ZFHX3: variants seen among roughly 807,000 people sequenced by gnomAD.
The protein encoded by ZFHX3 is zinc finger homeobox protein 3.
Under a neutral mutation model 279.1 loss-of-function variants are expected in ZFHX3, and 42 were observed. That is an observed-to-expected ratio of 0.15 (90% CI 0.12 to 0.19). The LOEUF (loss-of-function observed/expected upper bound fraction) is 0.19, where lower values mean the gene tolerates loss of function less well. ZFHX3 is among the 10% of genes least tolerant of loss of function. The probability of loss-of-function intolerance (pLI) is 1.00; values close to 1 mark genes in which losing one functional copy is unlikely to be tolerated. For synonymous variants in ZFHX3, 2,293 were observed against 1,957.8 expected, an observed-to-expected ratio of 1.17 and a Z score of -4.52; for missense variants, 4,981 against 4,754.0, an observed-to-expected ratio of 1.05 and a Z score of -1.40.
At chr16:73,037,112 C>T (rs1279978868) in intron 1 of ZFHX3, among the ~76,000 whole-genome samples, 1 of 152,172 alleles carries the variant, frequency 6.6e-6, no homozygotes, top group Non-Finnish European at 1.5e-5. Flanking sequence ...AAGATACACC[C>T]GTATATCACA....
At chr16:73,851,422 G>T (rs538928167) in intron 1 of ZFHX3, among the ~76,000 whole-genome samples, 1 of 152,280 alleles carries the variant, frequency 6.6e-6, no homozygotes, top group East Asian at 1.9e-4. Flanking sequence ...AAAGCATACC[G>T]ACTTGAAGTC....
intron 1 of ZFHX3, among the ~76,000 whole-genome samples, chr16:73,740,463 C>G (rs991719662): frequency 4.6e-5 from 7 of 152,206 alleles, no homozygotes; most frequent in Admixed American, 1.3e-4. Flanking sequence ...GAGTTTTCCT[C>G]TAGCCCAGAT....
At chr16:73,146,596 GA>G (rs544913872) in intron 5 of ZFHX3, among the ~76,000 whole-genome samples, 4 of 152,116 alleles carry the variant, frequency 2.6e-5, no homozygotes, top group Non-Finnish European at 5.9e-5. Flanking sequence ...GTTATGCCTT[GA>G]GAAAACCATA....
chr16:73,373,343 T>C (rs750514271), intron 3 of ZFHX3, among the ~76,000 whole-genome samples: 5 of 152,138 alleles, frequency 3.3e-5, no homozygotes, highest in Non-Finnish European at 4.4e-5. Context: ...AGAGACCAAA[T>C]GCATTCTACC....
chr16:73,499,030 T>C (rs2019189970), intron 2 of ZFHX3, among the ~76,000 whole-genome samples: 2 of 152,036 alleles, frequency 1.3e-5, no homozygotes, highest in East Asian at 1.9e-4. Flanking sequence ...TGAAGTGGGG[T>C]TGGACTCATG....
intron 2 of ZFHX3, among the ~76,000 whole-genome samples, chr16:73,663,459 T>A (rs140483758): frequency 6.6e-6 from 1 of 152,190 alleles, no homozygotes; most frequent in East Asian, 1.9e-4. Context: ...AGCACAAAGA[T>A]CTAGTTTCCA....
At chr16:72,870,819 T>C (rs1333257353) in intron 4 of ZFHX3, among the ~76,000 whole-genome samples, 4 of 152,180 alleles carry the variant, frequency 2.6e-5, no homozygotes, top group African/African-American at 4.8e-5. Context: ...TAGGAAAATT[T>C]GAATAAGGAC....
At chr16:73,494,995 T>C (rs1014026927) in intron 2 of ZFHX3, among the ~76,000 whole-genome samples, 1 of 152,218 alleles carries the variant, frequency 6.6e-6, no homozygotes, top group Non-Finnish European at 1.5e-5. Context: ...TTCTCTTTTG[T>C]ATCAATCGTT....
At chr16:73,757,311 C>A (rs10500573) in intron 1 of ZFHX3, among the ~76,000 whole-genome samples, 18,095 of 152,168 alleles carry the variant, frequency 0.12, 1,078 homozygotes, top group South Asian at 0.13. Context: ...GACTGGATAG[C>A]AACCCTAACT....
At chr16:73,784,738 T>C (rs923534521) in intron 1 of ZFHX3, among the ~76,000 whole-genome samples, 9 of 149,456 alleles carry the variant, frequency 6.0e-5, no homozygotes, top group African/African-American at 2.2e-4. Flanking sequence ...AGAGTAAGAC[T>C]ATGTCTCAAA....
intron 1 of ZFHX3, among the ~76,000 whole-genome samples, chr16:73,859,512 C>A (rs1220115703): frequency 6.6e-6 from 1 of 152,198 alleles, no homozygotes; most frequent in Non-Finnish European, 1.5e-5. Context: ...CATTGCATTT[C>A]TCCATCATCC....
chr16:73,165,536 A>G (rs529226690), intron 5 of ZFHX3, among the ~76,000 whole-genome samples: 13 of 152,170 alleles, frequency 8.5e-5, no homozygotes, highest in South Asian at 2.1e-4. Context: ...AACTTGGTCT[A>G]TGGAAAATGT....
intron 1 of ZFHX3, among the ~76,000 whole-genome samples, chr16:73,003,477 C>G: frequency 6.6e-6 from 1 of 151,220 alleles, no homozygotes; most frequent in East Asian, 1.9e-4. Context: ...CATCTGAGGT[C>G]AGGAGTTCGA....
At chr16:73,076,010 A>G (rs1353999508) in intron 8 of ZFHX3, among the ~76,000 whole-genome samples, 1 of 152,188 alleles carries the variant, frequency 6.6e-6, no homozygotes, top group African/African-American at 2.4e-5. Context: ...TAGCTCTGCC[A>G]CTAACAGCTG....
intron 4 of ZFHX3, among the ~76,000 whole-genome samples, chr16:73,314,901 A>G (rs1368484414): frequency 2.6e-5 from 4 of 152,180 alleles, no homozygotes; most frequent in Non-Finnish European, 4.4e-5. Flanking sequence ...CTTGATTCTC[A>G]TTAGATAATT....
chr16:73,006,681 GAGGAAAGGA>G (rs140891517), intron 1 of ZFHX3, among the ~76,000 whole-genome samples: 32,824 of 151,502 alleles, frequency 0.22, 4,226 homozygotes, highest in East Asian at 0.63. Flanking sequence ...AGGAAGGAAA[GAGGAAAGGA>G]AGGAAAGGAA....
At chr16:72,892,664 C>T (rs752216946) in intron 3 of ZFHX3, among the ~76,000 whole-genome samples, 1 of 152,060 alleles carries the variant, frequency 6.6e-6, no homozygotes, top group African/African-American at 2.4e-5. Context: ...TAAGCCACCA[C>T]ACCTAGCTAA....
chr16:72,860,941 C>T (rs9937452), intron 4 of ZFHX3, among the ~76,000 whole-genome samples: 3 of 152,000 alleles, frequency 2.0e-5, no homozygotes, highest in Admixed American at 2.0e-4. Context: ...GTGTGCACAA[C>T]GGTGACTTTA....
At chr16:72,965,244 C>T (rs544140844) in intron 1 of ZFHX3, among the ~76,000 whole-genome samples, 3 of 152,366 alleles carry the variant, frequency 2.0e-5, no homozygotes, top group South Asian at 2.1e-4. Context: ...CACATTCACA[C>T]TCAGTCTTTA....
Sources: allele counts gnomAD v4.1 joint callset (sites outside exome capture counted in the v4.1 genomes callset), GRCh38; gene constraint gnomAD v4.1.1; transcripts MANE v1.5; gene names NCBI Gene and HGNC (gene_info 2026-07-23, HGNC 2026-07-21).